HTR3A: variants seen among roughly 807,000 people sequenced by gnomAD.
The protein encoded by HTR3A is 5-hydroxytryptamine (serotonin) receptor 3A, ionotropic.
Under a neutral mutation model 54.8 loss-of-function variants are expected in HTR3A, and 45 were observed. That is an observed-to-expected ratio of 0.82 (90% CI 0.65 to 1.05). HTR3A has a LOEUF of 1.05. HTR3A is among the 50% of genes least tolerant of loss of function. HTR3A has a pLI of 0.00. For missense variants in HTR3A, 657 were observed against 614.0 expected (o/e 1.07, Z -0.74); for synonymous variants, 297 against 256.0 (o/e 1.16, Z -1.53).
rs76963178 is a variant in HTR3A, at chr11:113,986,595, C to T, written c.783C>T (p.Ile261=). 2.3e-3 allele frequency: 3,723 copies of T among 1,613,622 alleles called. 70 individuals carry two copies. In the African/African-American group the frequency reaches 0.043, roughly 19 times the overall value. Residue 261 remains isoleucine, a synonymous_variant, in exon 7 of 9, where the codon ATC becomes ATT. Transcript: ENST00000504030. ...LPSIFLMVMD[I]VGFYLPPNSG... is the part of the protein sequence containing the mutation. ...GCATCTTCCTCATGGTCATGGACAT[C>T]GTGGGCTTCTACCTGCCCCCCAACA... is the stretch of plus-strand genomic sequence containing the variant.
At position 113,986,455 on chromosome 11, in the gene HTR3A, G is replaced by A. The variant is rs529916388; in HGVS notation, c.706-63G>A. The A allele has an allele frequency of 3.8e-6, 6 of 1,567,854 alleles. No individual in the cohort carries two copies. In the African/African-American group the frequency reaches 4.0e-5, roughly 11 times the overall value. ...TAAAACAAGGAATCTGAGCTTGTGG[G>A]GTGGTTCCTGGGAGCAGAGCCTGTT... is the stretch of plus-strand genomic sequence containing the variant. On this transcript the variant is annotated intron_variant, in intron 6 of 8. Coordinates refer to ENST00000504030, the MANE Select transcript of HTR3A (RefSeq NM_000869.6).
At position 113,990,273 on chromosome 11, in the gene HTR3A, A is replaced by G. The variant is rs75364925; in HGVS notation, c.*510A>G. ...TCCCTGAACACTCATCCCCCATCAG[A>G]TGATGGGAGTGGGAAGAATAAAATG... On this transcript the variant is annotated 3_prime_UTR_variant, in exon 9 of 9. Transcript: ENST00000504030. 9.0e-6 allele frequency: 4 copies of G among 446,748 alleles called. No individual in the cohort carries two copies. Among genetic ancestry groups the G allele is most frequent in the South Asian group, 4.7e-5 (3 of 63,828 alleles). 27.7% of individuals were successfully genotyped at this position (446,748 alleles called of 1,614,324 possible).
intron 1 of HTR3A, 113 bp from the exon 2 acceptor site, chr11:113,977,658 G>T: frequency 6.6e-7 from 1 of 1,513,520 alleles, no homozygotes; most frequent in Non-Finnish European, 9.0e-7. Flanking sequence ...TTAGAATTTT[G>T]TGAGGTGGGG....
chr11:113,975,374 C>T lies in HTR3A; in HGVS notation c.49C>T (p.Leu17Phe), dbSNP rs1052492116. 1 of 1,612,916 alleles carries T rather than the reference C, an allele frequency of 6.2e-7. No individual in the cohort carries two copies. The highest frequency in any genetic ancestry group is 1.7e-5 in the Admixed American group (1 of 60,026). Residue 17 changes from leucine to phenylalanine, a missense_variant, in exon 1 of 9, where the codon CTC becomes TTC. Coordinates refer to ENST00000504030, the MANE Select transcript of HTR3A (RefSeq NM_000869.6). ...GCTGCTCGCCTTGCTCCTCCCCACA[C>T]TCCTGGCACAGGGAGAAGGTAAGCA... ...QALLALLLPT[L>F]LAQGEARRSR...
intron 8 of HTR3A, among the ~76,000 whole-genome samples, chr11:113,987,887 T>C (rs1202878977): frequency 6.6e-6 from 1 of 152,230 alleles, no homozygotes; most frequent in Non-Finnish European, 1.5e-5. Context: ...GGTTAGTTGG[T>C]TGGTTTATTC....
At chr11:113,980,302 C>T (rs553563744) in intron 3 of HTR3A, among the ~76,000 whole-genome samples, 69 of 152,318 alleles carry the variant, frequency 4.5e-4, no homozygotes, top group Middle Eastern at 6.8e-3. Context: ...ATTAGAGACA[C>T]GAACTAGATC....
Position 113,989,342 on chromosome 11 carries a change from GAC to G in HTR3A, c.1139-121_1139-120del. 9.3e-7 allele frequency: 1 copy of G among 1,071,718 alleles called. No individual in the cohort carries two copies. The highest frequency in any genetic ancestry group is 1.3e-5 in the South Asian group (1 of 78,518). 66.4% of individuals were successfully genotyped at this position (1,071,718 alleles called of 1,614,324 possible). On this transcript the variant is annotated intron_variant, in intron 8 of 8. Transcript: ENST00000504030. The surrounding 1 kb of genome is among the most constrained non-coding windows in gnomAD (Gnocchi z 4.4). ...CACACCACTGCCCTCCAGCCTGGGT[GAC>G]AGAGTGAGAAAAAAAAAGTTATTCC...
chr11:113,985,928 T>C, intron 5 of HTR3A, 87 bp from the exon 6 acceptor site: 1 of 1,440,622 alleles, frequency 6.9e-7, no homozygotes, highest in Non-Finnish European at 9.8e-7. Flanking sequence ...CTCCCCTTAA[T>C]TGCTGCCCAC....
intron 8 of HTR3A, among the ~76,000 whole-genome samples, chr11:113,988,013 A>G (rs1180763726): frequency 1.3e-5 from 2 of 152,234 alleles, no homozygotes; most frequent in African/African-American, 4.8e-5. Flanking sequence ...AAGCAGAGCT[A>G]TAGAGAATTT....
chr11:113,977,866 T>C lies in HTR3A; in HGVS notation c.163T>C (p.Trp55Arg). The change falls in exon 2 of 9, where the codon TGG (tryptophan) becomes CGG (arginine). Residue 55 changes from tryptophan (W) to arginine (R), a missense_variant. Coordinates refer to ENST00000504030, the MANE Select transcript of HTR3A (RefSeq NM_000869.6). ...GAAGGGTGTGCGCCCCGTGAGGGAC[T>C]GGAGGAAGCCAACCACCGTATCCAT... is the stretch of plus-strand genomic sequence containing the variant. The part of the protein sequence containing the change: ...YRKGVRPVRD[W>R]RKPTTVSIDV... 6.2e-7 allele frequency: 1 copy of C among 1,614,128 alleles called. No homozygotes were observed. The highest frequency in any genetic ancestry group is 8.5e-7 in the Non-Finnish European group (1 of 1,180,020).
chr11:113,981,724 G>A (rs1055799793), intron 4 of HTR3A, among the ~76,000 whole-genome samples: 5 of 152,070 alleles, frequency 3.3e-5, no homozygotes, highest in East Asian at 1.9e-4. Flanking sequence ...TTTGGAGGCC[G>A]AGGCGGGTAG....
At chr11:113,983,402 TG>T in intron 5 of HTR3A, 113 bp downstream of exon 5, 1 of 1,086,162 alleles carries the variant, frequency 9.2e-7, no homozygotes. Flanking sequence ...ACTAATGCCC[TG>T]GGCCTCTGCT....
chr11:113,986,380 A>G (rs1437670324), intron 6 of HTR3A, 138 bp from the exon 7 acceptor site: 7 of 1,088,842 alleles, frequency 6.4e-6, no homozygotes, highest in Non-Finnish European at 6.8e-6. Flanking sequence ...GAGGCAGGGT[A>G]TGGGGGTCTG....
At chr11:113,983,947 C>T (rs529422863) in intron 5 of HTR3A, among the ~76,000 whole-genome samples, 1 of 152,234 alleles carries the variant, frequency 6.6e-6, no homozygotes. Flanking sequence ...AATCCACCCT[C>T]TTGAGCTGAC....
rs760850821 is a variant in HTR3A, at chr11:113,975,201, G to A, written c.-125G>A. The A allele has an allele frequency of 5.8e-6, 5 of 864,452 alleles. No individual in the cohort carries two copies. The highest frequency in any genetic ancestry group is 2.0e-5 in the Admixed American group (1 of 50,478). 53.5% of individuals were successfully genotyped at this position (864,452 alleles called of 1,614,324 possible). ...GAGTGTGAGGCTGCAGCCTCAGAAG[G>A]TGTGAGCAGTGGCCACGAGAGGCAG... is the stretch of plus-strand genomic sequence containing the variant. On this transcript the variant is annotated 5_prime_UTR_variant, in exon 1 of 9. The change creates a new upstream start codon in the 5' untranslated region. Coordinates refer to ENST00000504030, the MANE Select transcript of HTR3A (RefSeq NM_000869.6).
At chr11:113,987,695 T>C (rs1365440628) in intron 8 of HTR3A, among the ~76,000 whole-genome samples, 4 of 152,138 alleles carry the variant, frequency 2.6e-5, no homozygotes, top group East Asian at 1.9e-4. Context: ...TTCGCATCAC[T>C]GCATCCCACC....
intron 2 of HTR3A, among the ~76,000 whole-genome samples, chr11:113,978,562 G>A (rs1297010628): frequency 6.6e-6 from 1 of 152,150 alleles, no homozygotes; most frequent in Non-Finnish European, 1.5e-5. Flanking sequence ...GTAGAGACAG[G>A]GTTTTTCCAT....
chr11:113,989,179 G>A lies in HTR3A; in HGVS notation c.1139-286G>A, dbSNP rs1950523624. ...GTTCAAGACCAGCCTGGCCAACGTG[G>A]TGAAATCCAGTTTCTATTGAAAAAA... On this transcript the variant is annotated intron_variant, in intron 8 of 8. Coordinates refer to ENST00000504030, the MANE Select transcript of HTR3A (RefSeq NM_000869.6). The surrounding 1 kb of genome is among the most constrained non-coding windows in gnomAD (Gnocchi z 4.4). Among the ~76,000 whole-genome samples, 1 of 140,654 alleles carries A rather than the reference G, an allele frequency of 7.1e-6. No individual in the cohort carries two copies. Among genetic ancestry groups the A allele is most frequent in the Admixed American group, 7.7e-5 (1 of 13,068 alleles). 92.3% of individuals were successfully genotyped at this position (140,654 alleles called of 152,430 possible).
intron 5 of HTR3A, among the ~76,000 whole-genome samples, chr11:113,985,242 A>G (rs1278458469): frequency 2.6e-5 from 4 of 152,186 alleles, no homozygotes; most frequent in Non-Finnish European, 5.9e-5. Context: ...ATCAGTATAT[A>G]TATTATTATA....
Sources: gnomAD v4.1 joint callset for allele counts (sites outside exome capture counted in the v4.1 genomes callset) on GRCh38, gnomAD v4.1.1 for gene constraint, Gnocchi (gnomAD v3.1) non-coding constraint, MANE v1.5 for transcripts, NCBI Gene and HGNC (gene_info 2026-07-23, HGNC 2026-07-21) for gene names.